Variants in TMEM217B observed in about 807,000 individuals in gnomAD.
The protein encoded by TMEM217B is transmembrane protein 217B.
the TMEM217B span, among the ~76,000 whole-genome samples, chr6:37,221,190 C>CTT: frequency 4.1e-3 from 594 of 143,492 alleles, 8 homozygotes; most frequent in Middle Eastern, 0.029. Context: ...TAAGTGGAGT[C>CTT]TTTTTTTTTT....
At chr6:37,248,293 G>A in the TMEM217B span, among the ~76,000 whole-genome samples, 3 of 152,074 alleles carry the variant, frequency 2.0e-5, no homozygotes, top group Non-Finnish European at 4.4e-5. Flanking sequence ...TTTAGTGCCA[G>A]GAATACAGTA....
chr6:37,217,566 T>G, the TMEM217B span: 1 of 888,962 alleles, frequency 1.1e-6, no homozygotes, highest in Non-Finnish European at 1.3e-6. Context: ...ACATATATCT[T>G]TGATTAAGGA....
chr6:37,257,826 C>G, the TMEM217B span: 2 of 1,418,220 alleles, frequency 1.4e-6, no homozygotes, highest in Non-Finnish European at 1.9e-6. Context: ...GGCGGGGAAG[C>G]GGCCTGGGTT....
the TMEM217B span, among the ~76,000 whole-genome samples, chr6:37,254,668 T>TTC: frequency 6.6e-6 from 1 of 152,216 alleles, no homozygotes; most frequent in Admixed American, 6.5e-5. Context: ...AATATTTATA[T>TTC]TCTTCCTTCT....
the TMEM217B span, among the ~76,000 whole-genome samples, chr6:37,231,136 T>G: frequency 6.6e-6 from 1 of 151,724 alleles, no homozygotes; most frequent in African/African-American, 2.4e-5. Context: ...CTCTGCTCAC[T>G]GCAACCTCCA....
the TMEM217B span, among the ~76,000 whole-genome samples, chr6:37,226,281 C>CTTTTTTTTTTTTTT: frequency 1.3e-5 from 1 of 74,876 alleles, no homozygotes; most frequent in African/African-American, 5.4e-5. Context: ...TTGAGACAGT[C>CTTTTTTTTTTTTTT]TTTTTTTTTT....
At chr6:37,212,306 C>G in the TMEM217B span, 1 of 354,796 alleles carries the variant, frequency 2.8e-6, no homozygotes. Flanking sequence ...GCGTAAAACT[C>G]AAAAGCCCTG....
the TMEM217B span, chr6:37,258,124 C>A: frequency 2.3e-6 from 2 of 860,246 alleles, no homozygotes; most frequent in Non-Finnish European, 3.5e-6. Context: ...AGCTGTCAGG[C>A]AGCGAAGCGA....
chr6:37,240,335 A>C, the TMEM217B span, among the ~76,000 whole-genome samples: 1 of 152,098 alleles, frequency 6.6e-6, no homozygotes, highest in Non-Finnish European at 1.5e-5. Flanking sequence ...TGTGGGAGGG[A>C]AGTTTCATCC....
the TMEM217B span, among the ~76,000 whole-genome samples, chr6:37,255,820 A>G: frequency 6.6e-6 from 1 of 152,194 alleles, no homozygotes; most frequent in Admixed American, 6.5e-5. Flanking sequence ...ACCAAGTGGT[A>G]GTGGTGAAAA....
At chr6:37,213,283 C>T in the TMEM217B span, among the ~76,000 whole-genome samples, 1 of 152,218 alleles carries the variant, frequency 6.6e-6, no homozygotes, top group South Asian at 2.1e-4. Context: ...AAAAAGAGTG[C>T]TCCTGTTGAT....
the TMEM217B span, chr6:37,218,414 C>T: frequency 1.1e-5 from 17 of 1,571,824 alleles, no homozygotes; most frequent in Admixed American, 1.7e-5. Flanking sequence ...TGACCTCAGG[C>T]GATCCACCTA....
chr6:37,242,156 T>G, the TMEM217B span, among the ~76,000 whole-genome samples: 3 of 152,256 alleles, frequency 2.0e-5, no homozygotes, highest in East Asian at 5.8e-4. Flanking sequence ...ATGTCCAGAC[T>G]TCAGTGGTCC....
At chr6:37,256,639 G>A in the TMEM217B span, among the ~76,000 whole-genome samples, 1 of 151,800 alleles carries the variant, frequency 6.6e-6, no homozygotes, top group South Asian at 2.1e-4. Context: ...AGAAACCGTC[G>A]TTGGAGGACA....
chr6:37,221,120 C>T, the TMEM217B span, among the ~76,000 whole-genome samples: 1 of 152,238 alleles, frequency 6.6e-6, no homozygotes, highest in African/African-American at 2.4e-5. Context: ...TGCCCCAGCT[C>T]CTGGAAACTA....
chr6:37,219,951 T>A, the TMEM217B span, among the ~76,000 whole-genome samples: 1 of 152,100 alleles, frequency 6.6e-6, no homozygotes, highest in South Asian at 2.1e-4. Flanking sequence ...AAAATATGGA[T>A]TACAGTGAAA....
chr6:37,217,527 G>T, the TMEM217B span: 2 of 616,616 alleles, frequency 3.2e-6, no homozygotes, highest in Non-Finnish European at 4.1e-6. Flanking sequence ...ACAGAGTACA[G>T]CACAGCAACA....
the TMEM217B span, among the ~76,000 whole-genome samples, chr6:37,243,891 C>G: frequency 6.6e-6 from 1 of 152,120 alleles, no homozygotes; most frequent in African/African-American, 2.4e-5. Context: ...TGGGGGGGTG[C>G]ACAGGACCGG....
chr6:37,256,789 C>G, the TMEM217B span, among the ~76,000 whole-genome samples: 4 of 152,076 alleles, frequency 2.6e-5, no homozygotes, highest in African/African-American at 9.7e-5. Context: ...AACAGTCCTT[C>G]GAAGGGACAA....
Sources: allele counts gnomAD v4.1 joint callset (sites outside exome capture counted in the v4.1 genomes callset), GRCh38; gene constraint gnomAD v4.1.1; transcripts MANE v1.5; gene names NCBI Gene and HGNC (gene_info 2026-07-23, HGNC 2026-07-21).